Variants in MPRIP observed in about 807,000 individuals in gnomAD.
MPRIP encodes myosin phosphatase Rho interacting protein.
A neutral mutation model predicts 234.9 loss-of-function variants in MPRIP; 59 were observed. The ratio of observed to expected loss-of-function variants is 0.25; its 90% CI spans 0.20 to 0.31. MPRIP has a LOEUF of 0.31. Among genes scored for constraint, MPRIP ranks in the 10% least tolerant of loss-of-function variants. The pLI is 1.00. For missense variants in MPRIP, 2,436 were observed against 3,071.0 expected (o/e 0.79, Z 4.89); for synonymous variants, 1,144 against 1,263.9 (o/e 0.91, Z 2.01).
intron 10 of MPRIP, 142 bp from the exon 11 acceptor site, chr17:17,147,177 G>C (rs1252923415): frequency 7.0e-5 from 53 of 759,350 alleles, no homozygotes; most frequent in Non-Finnish European, 1.2e-4. Context: ...TCTGTATGCT[G>C]TCAAGGGAGG....
At chr17:17,121,953 G>A (rs1298158759) in intron 3 of MPRIP, among the ~76,000 whole-genome samples, 1 of 152,114 alleles carries the variant, frequency 6.6e-6, no homozygotes, top group East Asian at 1.9e-4. Flanking sequence ...AAAGATAGTG[G>A]CCTCCAGCTC....
At chr17:17,088,755 A>C (rs2089648539) in intron 3 of MPRIP, among the ~76,000 whole-genome samples, 1 of 152,206 alleles carries the variant, frequency 6.6e-6, no homozygotes, top group Non-Finnish European at 1.5e-5. Context: ...CAGTCTGATG[A>C]GCTGATCCAC....
chr17:17,072,538 ACGG>A lies in MPRIP; in HGVS notation c.124-3171_124-3169del, dbSNP rs1213358721. Among the ~76,000 whole-genome samples, 12 of 152,278 alleles carry A rather than the reference ACGG, an allele frequency of 7.9e-5. No individual in the cohort carries two copies. In the South Asian group the frequency reaches 1.9e-3, roughly 24 times the overall value. On this transcript the variant is annotated intron_variant, in intron 1 of 23. Coordinates refer to ENST00000651222, the MANE Select transcript of MPRIP (RefSeq NM_001364716.4). ...GAAATTAGTTCTGTGATGTGCAGTG[ACGG>A]TAATGGCAGAAGTGAGTTGTTAGAG...
chr17:17,132,572 C>T (rs772178801), intron 5 of MPRIP, among the ~76,000 whole-genome samples: 9 of 152,208 alleles, frequency 5.9e-5, no homozygotes, highest in Non-Finnish European at 1.0e-4. Flanking sequence ...TGAAGAGAGC[C>T]AGCCCACGGG....
In MPRIP at chr17:17,042,815, C is replaced by G; in HGVS notation, c.-34C>G. ...AGCGCCAGGCCGGCCAGGCCTGCGC[C>G]GCCGCCGCCGCCGCCGTCGCCGCCG... is the stretch of plus-strand genomic sequence containing the variant. On this transcript the variant is annotated 5_prime_UTR_variant, in exon 1 of 24. Transcript: ENST00000651222. 1 of 1,367,020 alleles carries G rather than the reference C, an allele frequency of 7.3e-7. No homozygotes were observed. Among genetic ancestry groups the G allele is most frequent in the Non-Finnish European group, 9.6e-7 (1 of 1,038,312 alleles). The allele number at this position is 1,367,020 out of a possible 1,614,324, so 84.7% of individuals were successfully genotyped here.
chr17:17,120,163 C>T (rs973549462), intron 3 of MPRIP, among the ~76,000 whole-genome samples: 1 of 152,216 alleles, frequency 6.6e-6, no homozygotes, highest in African/African-American at 2.4e-5. Context: ...ACAGCAGCTG[C>T]CTGGAAGGAA....
intron 1 of MPRIP, among the ~76,000 whole-genome samples, chr17:17,069,356 A>C (rs760260394): frequency 1.3e-5 from 2 of 152,186 alleles, no homozygotes; most frequent in Non-Finnish European, 2.9e-5. Flanking sequence ...TGTACAGTTG[A>C]ATTATTTTAA....
intron 3 of MPRIP, among the ~76,000 whole-genome samples, chr17:17,100,886 C>T (rs1457055108): frequency 1.3e-5 from 2 of 152,168 alleles, no homozygotes; most frequent in Non-Finnish European, 2.9e-5. Flanking sequence ...AAAAGTGGTC[C>T]TTGGTACCAA....
chr17:17,156,689 A>G (rs989111242), intron 13 of MPRIP, among the ~76,000 whole-genome samples: 1 of 152,184 alleles, frequency 6.6e-6, no homozygotes, highest in Admixed American at 6.5e-5. Flanking sequence ...GGCGGCTGTC[A>G]GGGCCAGGCT....
chr17:17,157,692 G>A (rs962497294), intron 13 of MPRIP, among the ~76,000 whole-genome samples: 18 of 152,158 alleles, frequency 1.2e-4, no homozygotes, highest in African/African-American at 4.3e-4. Context: ...GCCAGGCATG[G>A]TAGCGCATGC....
Position 17,106,277 on chromosome 17 carries a change from G to A in MPRIP, c.268-20425G>A, listed in dbSNP as rs906713258. Among the ~76,000 whole-genome samples, 4 of 152,188 alleles carry A rather than the reference G, an allele frequency of 2.6e-5. No individual in the cohort carries two copies. The East Asian group carries it at 5.8e-4, about 22-fold the overall frequency. ...AGGCAACTGGATTCCTACACTCTTGGTCTTTTCCAGGGAGTCTGTGTCTTG... is the reference window on the plus strand; with the variant it reads ...AGGCAACTGGATTCCTACACTCTTGATCTTTTCCAGGGAGTCTGTGTCTTG... On this transcript the variant is annotated intron_variant, in intron 3 of 23. Coordinates refer to ENST00000651222, the MANE Select transcript of MPRIP (RefSeq NM_001364716.4).
In MPRIP at chr17:17,158,984, C is replaced by A; in HGVS notation, c.2382C>A (p.Thr794=). 6.2e-7 allele frequency: 1 copy of A among 1,612,334 alleles called. No individual in the cohort carries two copies. The highest frequency in any genetic ancestry group is 8.5e-7 in the Non-Finnish European group (1 of 1,179,578). ...GGDRLSTHEL[T]SLLEKELEQS... The stretch of plus-strand genomic sequence containing the variant: ...ACCGGCTCTCCACACACGAGCTGAC[C>A]TCTCTGCTCGAGAAGGAGGTAATAG... Residue 794 remains threonine, a synonymous_variant, in exon 14 of 24, where the codon ACC becomes ACA. Transcript: ENST00000651222.
intron 1 of MPRIP, among the ~76,000 whole-genome samples, chr17:17,061,614 C>T (rs556767465): frequency 6.6e-6 from 1 of 152,354 alleles, no homozygotes; most frequent in East Asian, 1.9e-4. Context: ...AAGAATCTGC[C>T]CAGAGTTGGG....
chr17:17,058,968 C>G (rs1365766281), intron 1 of MPRIP, among the ~76,000 whole-genome samples: 2 of 152,112 alleles, frequency 1.3e-5, no homozygotes, highest in Admixed American at 1.3e-4. Flanking sequence ...TTTTTGGGTT[C>G]CAGACCCCTT....
intron 3 of MPRIP, among the ~76,000 whole-genome samples, chr17:17,122,162 A>G (rs904577193): frequency 6.6e-6 from 1 of 152,170 alleles, no homozygotes; most frequent in Admixed American, 6.5e-5. Flanking sequence ...TCCTTTGGGT[A>G]TATACCCAGT....
rs765578077 is a variant in MPRIP at position 17,158,786 on chromosome 17, A to G, written c.2184A>G (p.Ala728=). ...CAGACGGGCCAGGCACTGAGGATGC[A>G]GCCCTGCGCATGGAGGTGGACCGGA... ...DATDGPGTED[A]ALRMEVDRSP... The change falls in exon 14 of 24, where the codon GCA becomes GCG. Residue 728 remains alanine (A), a synonymous_variant. Coordinates refer to ENST00000651222, the MANE Select transcript of MPRIP (RefSeq NM_001364716.4). The G allele has an allele frequency of 1.9e-6, 3 of 1,611,628 alleles. No individual in the cohort carries two copies. The highest frequency in any genetic ancestry group is 1.1e-5 in the South Asian group (1 of 91,042).
At chr17:17,051,768 G>C (rs2088549252) in intron 1 of MPRIP, among the ~76,000 whole-genome samples, 1 of 152,222 alleles carries the variant, frequency 6.6e-6, no homozygotes, top group Non-Finnish European at 1.5e-5. Flanking sequence ...CTGGAAGCTG[G>C]AACTGAAATC....
chr17:17,063,016 T>C (rs2088913196), intron 1 of MPRIP, among the ~76,000 whole-genome samples: 1 of 152,182 alleles, frequency 6.6e-6, no homozygotes, highest in South Asian at 2.1e-4. Flanking sequence ...GAAGTACAAG[T>C]TGGATTCAGC....
Position 17,087,746 on chromosome 17 carries a change from C to T in MPRIP, c.267+9670C>T, listed in dbSNP as rs529660549. 9.9e-5 allele frequency among the ~76,000 whole-genome samples: 15 copies of T among 152,194 alleles called. No individual in the cohort carries two copies. The East Asian group carries it at 1.2e-3, about 12-fold the overall frequency. On this transcript the variant is annotated intron_variant, in intron 3 of 23. Transcript: ENST00000651222. ...GACAGGGCACATGTTGGTTGGCTGG[C>T]GAATCAGGCAGCTGTCCTCCCCAGC...
Sources: allele counts gnomAD v4.1 joint callset (sites outside exome capture counted in the v4.1 genomes callset), GRCh38; gene constraint gnomAD v4.1.1; transcripts MANE v1.5; gene names NCBI Gene and HGNC (gene_info 2026-07-23, HGNC 2026-07-21).